Variants in MSL2 observed in about 807,000 individuals in gnomAD.
MSL2 encodes E3 ubiquitin-protein ligase MSL2.
In MSL2, 2 loss-of-function variants were observed where a neutral mutation model predicts 35.8. The observed-to-expected ratio is 0.06, with a 90% CI of 0.02 to 0.18. The LOEUF (loss-of-function observed/expected upper bound fraction) is 0.18. Among genes scored for constraint, MSL2 ranks in the 10% least tolerant of loss-of-function variants. The pLI, the probability that MSL2 is intolerant of heterozygous loss-of-function variation, is 1.00. For missense variants in MSL2, 523 were observed against 706.7 expected, an observed-to-expected ratio of 0.74 and a Z score of 2.95; for synonymous variants, 296 against 255.7, an observed-to-expected ratio of 1.16 and a Z score of -1.50.
At chr3:136,177,746 TACTTTAACGTTCACTATAGC>T (rs1235105514) in intron 1 of MSL2, among the ~76,000 whole-genome samples, 1 of 151,428 alleles carries the variant, frequency 6.6e-6, no homozygotes, top group African/African-American at 2.4e-5. Flanking sequence ...ACTGAGTAAT[TACTTTAACGTTCACTATAGC>T]ACTTTAAATA....
At chr3:136,155,638 C>T (rs1207331134) in intron 1 of MSL2, 36 of 383,092 alleles carry the variant, frequency 9.4e-5, no homozygotes, top group Non-Finnish European at 1.2e-4. Flanking sequence ...CAACCTGTGC[C>T]GCCCATGGGG....
intron 1 of MSL2, 29 bp from the exon 2 acceptor site, chr3:136,152,767 T>C (rs201142509): frequency 1.3e-6 from 2 of 1,591,968 alleles, no homozygotes; most frequent in East Asian, 4.5e-5. Context: ...AAAGCAAAGA[T>C]TTTAGTAAAA....
chr3:136,195,370 C>T lies in MSL2; in HGVS notation c.-257G>A. ...AGAGAAACCAGCGTTCGAGTTCGTC[C>T]GGAGCGACCACAGAGCGCAGAACGC... On this transcript the variant is annotated 5_prime_UTR_variant, in exon 1 of 2. Coordinates refer to ENST00000309993, the MANE Select transcript of MSL2 (RefSeq NM_018133.4). 1.6e-6 allele frequency: 2 copies of T among 1,229,890 alleles called. No homozygotes were observed. The highest frequency in any genetic ancestry group is 2.0e-6 in the Non-Finnish European group (2 of 981,942). 76.2% of individuals were successfully genotyped at this position (1,229,890 alleles called of 1,614,324 possible).
rs776737441 is a variant in MSL2 at position 136,166,779 on chromosome 3, AAAC to A, written c.143-14044_143-14042del. Reference sequence around the variant, plus strand: ...ATGAGCACTCCTCCTTAGCACAGATAAACAACAAGGTTATCAGTACTCTTGGAA... The same window carrying A: ...ATGAGCACTCCTCCTTAGCACAGATAAACAAGGTTATCAGTACTCTTGGAA... On this transcript the variant is annotated intron_variant, in intron 1 of 1. Transcript: ENST00000309993. Among the ~76,000 whole-genome samples, 13 of 152,248 alleles carry A rather than the reference AAAC, an allele frequency of 8.5e-5. 1 individual carries two copies. The highest frequency in any genetic ancestry group is 1.4e-4 in the African/African-American group (6 of 41,462).
At chr3:136,168,554 T>C (rs552257882) in intron 1 of MSL2, among the ~76,000 whole-genome samples, 2 of 152,202 alleles carry the variant, frequency 1.3e-5, no homozygotes, top group African/African-American at 4.8e-5. Flanking sequence ...AAGTGGGAGT[T>C]GAACAATGAG....
intron 1 of MSL2, among the ~76,000 whole-genome samples, chr3:136,184,744 A>G (rs1940465085): frequency 1.0e-5 from 1 of 95,938 alleles, no homozygotes. Flanking sequence ...GGTTAAAAAA[A>G]AAAAAAGGGG....
chr3:136,190,218 G>A (rs185684910), intron 1 of MSL2, among the ~76,000 whole-genome samples: 96 of 152,262 alleles, frequency 6.3e-4, no homozygotes, highest in African/African-American at 2.0e-3. Context: ...ATGGGCCTGT[G>A]CCATGTGTCT....
intron 1 of MSL2, chr3:136,194,415 T>G (rs927898319): frequency 1.0e-6 from 1 of 984,804 alleles, no homozygotes; most frequent in African/African-American, 1.8e-5. Context: ...GCACTTCGAG[T>G]ACCAACAGCC....
chr3:136,160,612 A>G (rs1939682325), intron 1 of MSL2, among the ~76,000 whole-genome samples: 1 of 151,638 alleles, frequency 6.6e-6, no homozygotes, highest in South Asian at 2.1e-4. Context: ...CAGGAGGCTG[A>G]GGCAGGAGAA....
chr3:136,170,492 G>GA (rs574841379), intron 1 of MSL2, among the ~76,000 whole-genome samples: 3 of 138,076 alleles, frequency 2.2e-5, no homozygotes, highest in South Asian at 2.3e-4. Context: ...TGACCAAAAG[G>GA]AAAAAAAACT....
At chr3:136,194,511 T>C in intron 1 of MSL2, 6 of 943,406 alleles carry the variant, frequency 6.4e-6, no homozygotes, top group Non-Finnish European at 7.6e-6. Flanking sequence ...TCTCCAGCTG[T>C]GGGTTCATCA....
intron 1 of MSL2, chr3:136,194,605 G>T: frequency 6.1e-6 from 2 of 327,756 alleles, no homozygotes; most frequent in Non-Finnish European, 9.4e-6. Flanking sequence ...TTTTGATCAT[G>T]TTTAACCACT....
intron 1 of MSL2, among the ~76,000 whole-genome samples, chr3:136,189,453 A>C (rs1406441834): frequency 6.8e-6 from 1 of 147,850 alleles, no homozygotes; most frequent in Non-Finnish European, 1.5e-5. Flanking sequence ...GGCTGGGCGC[A>C]GTGGCTCACA....
At chr3:136,177,680 TAAA>T (rs397738424) in intron 1 of MSL2, among the ~76,000 whole-genome samples, 4 of 78,466 alleles carry the variant, frequency 5.1e-5, no homozygotes, top group Non-Finnish European at 4.8e-5. Flanking sequence ...CTCCGTCTCA[TAAA>T]AAAAAAAAAA....
Position 136,195,461 on chromosome 3 carries a change from G to A in MSL2, c.-348C>T, listed in dbSNP as rs1007781504. ...AGCCCCGCGGCTCGGCAGGCGGCCTGCACTCGAGCTCCATCTCCGGACACG... is the reference window on the plus strand; with the variant it reads ...AGCCCCGCGGCTCGGCAGGCGGCCTACACTCGAGCTCCATCTCCGGACACG... On this transcript the variant is annotated 5_prime_UTR_variant, in exon 1 of 2. Transcript: ENST00000309993. 1 of 1,036,796 alleles carries A rather than the reference G, an allele frequency of 9.6e-7. No individual in the cohort carries two copies. 64.2% of individuals were successfully genotyped at this position (1,036,796 alleles called of 1,614,324 possible). A position where few individuals can be genotyped will look rare whatever the true frequency, so the allele number is the denominator to read the frequency against.
In MSL2 at chr3:136,151,651, CTTT is replaced by C. The variant is rs776885750; in HGVS notation, c.1227_1229del (p.Lys410del). 1.2e-6 allele frequency: 2 copies of C among 1,614,086 alleles called. No individual in the cohort carries two copies. The highest frequency in any genetic ancestry group is 3.3e-5 in the Admixed American group (2 of 60,016). ...ATTTCTTGGATCCATGTTCATGACT[CTTT>C]TTCATGCTTTTAGTAGATAAAAGTA... On this transcript the variant is annotated inframe_deletion, in exon 2 of 2. Coordinates refer to ENST00000309993, the MANE Select transcript of MSL2 (RefSeq NM_018133.4). The surrounding 1 kb of genome is among the most constrained non-coding windows in gnomAD (Gnocchi z 5.2).
At chr3:136,170,654 G>A (rs1027865761) in intron 1 of MSL2, among the ~76,000 whole-genome samples, 46 of 151,368 alleles carry the variant, frequency 3.0e-4, no homozygotes, top group Admixed American at 1.9e-3. Context: ...GACTACAGGC[G>A]TGCGTCACCA....
At chr3:136,164,692 AT>A (rs1244762409) in intron 1 of MSL2, among the ~76,000 whole-genome samples, 1 of 152,178 alleles carries the variant, frequency 6.6e-6, no homozygotes, top group Non-Finnish European at 1.5e-5. Context: ...GGAAAAAAAA[AT>A]GCATCTTATC....
chr3:136,188,651 T>TGAGGTGGG, intron 1 of MSL2, among the ~76,000 whole-genome samples: 1 of 146,408 alleles, frequency 6.8e-6, no homozygotes, highest in East Asian at 2.0e-4. Context: ...CTCAGGACGA[T>TGAGGTGGG]GAGGTGGGAG....
Sources: allele counts gnomAD v4.1 joint callset (sites outside exome capture counted in the v4.1 genomes callset), GRCh38; gene constraint gnomAD v4.1.1; non-coding constraint Gnocchi (gnomAD v3.1); transcripts MANE v1.5; gene names NCBI Gene and HGNC (gene_info 2026-07-23, HGNC 2026-07-21).